BICD1: variants seen among roughly 807,000 people sequenced by gnomAD.
BICD1 encodes the protein BICD cargo adaptor 1.
A neutral mutation model predicts 92.5 loss-of-function variants in BICD1; 35 were observed. That is an observed-to-expected ratio of 0.38 (90% CI 0.29 to 0.50). The LOEUF (loss-of-function observed/expected upper bound fraction) is 0.50, where lower values mean the gene tolerates loss of function less well. Among genes scored for constraint, BICD1 ranks in the 20% least tolerant of loss-of-function variants. The pLI, the probability that BICD1 is intolerant of heterozygous loss-of-function variation, is 0.93. For synonymous variants in BICD1, 429 were observed against 465.1 expected (o/e 0.92, Z 1.00); for missense variants, 950 against 1,189.8 (o/e 0.80, Z 2.97).
chr12:32,138,103 ATATAAAGTTTAAAAATAGCTCGCTTGTG>A (rs1247240541), intron 1 of BICD1, among the ~76,000 whole-genome samples: 9 of 152,270 alleles, frequency 5.9e-5, no homozygotes, highest in African/African-American at 2.2e-4. Context: ...CTGGCCAAAT[ATATAAAGTTTAAAAATAGCTCGCTTGTG>A]TTCATTGCCT....
At chr12:32,309,871 C>T (rs973447936) in intron 4 of BICD1, among the ~76,000 whole-genome samples, 3 of 152,112 alleles carry the variant, frequency 2.0e-5, no homozygotes, top group Non-Finnish European at 4.4e-5. Context: ...TGTTGGTGTG[C>T]TGCACCCATT....
At chr12:32,152,581 G>A (rs1297178665) in intron 1 of BICD1, among the ~76,000 whole-genome samples, 2 of 152,100 alleles carry the variant, frequency 1.3e-5, no homozygotes, top group African/African-American at 4.8e-5. Flanking sequence ...AAATTGATTG[G>A]CCCACCAGGG....
chr12:32,171,988 C>CACATATAT (rs1555141634), intron 1 of BICD1, among the ~76,000 whole-genome samples: 1,553 of 132,516 alleles, frequency 0.012, 14 homozygotes, highest in East Asian at 0.019. Context: ...CACACACACA[C>CACATATAT]ACTAAAACTG....
intron 1 of BICD1, among the ~76,000 whole-genome samples, chr12:32,116,508 C>CTATA (rs772917101): frequency 0.012 from 1,106 of 93,728 alleles, 11 homozygotes; most frequent in Non-Finnish European, 0.017. Flanking sequence ...CTCTCTCTCT[C>CTATA]TCTATATATA....
intron 1 of BICD1, 45 bp downstream of exon 1, chr12:32,107,589 C>G (rs750061644): frequency 4.6e-6 from 7 of 1,531,540 alleles, no homozygotes; most frequent in East Asian, 2.4e-5. Context: ...TCACTCCCCC[C>G]ACCCGCAAGG....
At chr12:32,288,656 A>G (rs530372520) in intron 2 of BICD1, among the ~76,000 whole-genome samples, 155 of 152,252 alleles carry the variant, frequency 1.0e-3, no homozygotes, top group African/African-American at 3.6e-3. Context: ...ACTTGAGGTC[A>G]GAAGTTCAAG....
rs1592307997 is a variant in BICD1 at position 32,108,624 on chromosome 12, A to G, written c.213+1080A>G. ...TGGCATATAATATCAAAAATCTATT[A>G]TTTATTTTATGCTGTTACAGTTAAA... On this transcript the variant is annotated intron_variant, in intron 1 of 9. Transcript: ENST00000652176. 5 of 680,370 alleles carry G rather than the reference A, an allele frequency of 7.3e-6. No homozygotes were observed. The East Asian group carries it at 1.4e-4, about 18-fold the overall frequency. The allele number at this position is 680,370 out of a possible 1,614,324, so 42.1% of individuals were successfully genotyped here. A position where few individuals can be genotyped will look rare whatever the true frequency, so the allele number is the denominator to read the frequency against.
rs1310344773 is a variant in BICD1 at position 32,295,500 on chromosome 12, G to A, written c.579+1354G>A. ...TTGTCCTCTGTAAACTTAGAAGCCAGCCCAGATGTATGCTTTTACCTCACT... is the reference window on the plus strand; with the variant it reads ...TTGTCCTCTGTAAACTTAGAAGCCAACCCAGATGTATGCTTTTACCTCACT... On this transcript the variant is annotated intron_variant, in intron 3 of 9. Coordinates refer to ENST00000652176, the MANE Select transcript of BICD1 (RefSeq NM_001714.4). 2.6e-5 allele frequency among the ~76,000 whole-genome samples: 4 copies of A among 151,994 alleles called. 1 individual carries two copies. Among genetic ancestry groups the A allele is most frequent in the African/African-American group, 9.7e-5 (4 of 41,378 alleles).
intron 1 of BICD1, among the ~76,000 whole-genome samples, chr12:32,113,518 TG>T (rs1941775158): frequency 5.3e-5 from 8 of 151,376 alleles, no homozygotes; most frequent in Admixed American, 5.3e-4. Context: ...CCCAAGGAGC[TG>T]GGAATACAGA....
intron 1 of BICD1, among the ~76,000 whole-genome samples, chr12:32,147,150 G>A (rs1278548355): frequency 6.6e-6 from 1 of 151,970 alleles, no homozygotes; most frequent in Non-Finnish European, 1.5e-5. Flanking sequence ...ATGTTGCCCA[G>A]GCTAATCTTG....
intron 4 of BICD1, among the ~76,000 whole-genome samples, chr12:32,319,426 G>A (rs977375356): frequency 1.3e-5 from 2 of 152,102 alleles, no homozygotes; most frequent in African/African-American, 2.4e-5. Context: ...TCAACATTGT[G>A]TTTCTATGAT....
In BICD1 at chr12:32,179,061, A is replaced by T. The variant is rs145164687; in HGVS notation, c.214-37186A>T. Among the ~76,000 whole-genome samples the T allele has an allele frequency of 2.0e-3, 310 of 152,120 alleles. 1 individual carries two copies. The highest frequency in any genetic ancestry group is 7.1e-3 in the African/African-American group (295 of 41,544). On this transcript the variant is annotated intron_variant, in intron 1 of 9. Transcript: ENST00000652176. Reference sequence around the variant, plus strand: ...ATACGATAGGACAGGTTTTGGATATATGGAGTATTAACTGAAAAGAGCACT... The same window carrying T: ...ATACGATAGGACAGGTTTTGGATATTTGGAGTATTAACTGAAAAGAGCACT...
intron 2 of BICD1, among the ~76,000 whole-genome samples, chr12:32,248,058 G>A (rs960355867): frequency 6.6e-6 from 1 of 152,092 alleles, no homozygotes. Flanking sequence ...ACTCCAGCCT[G>A]AGTGACAGAG....
rs1183082919 is a variant in BICD1 at position 32,215,668 on chromosome 12, T to C, written c.214-579T>C. On this transcript the variant is annotated intron_variant, in intron 1 of 9. Transcript: ENST00000652176. The stretch of plus-strand genomic sequence containing the variant: ...AGTTGTCTAAAAAAATGAGAACATA[T>C]GCCAGGCGCGGTGGCTTATGCCTGT... Among the ~76,000 whole-genome samples, 4 of 151,910 alleles carry C rather than the reference T, an allele frequency of 2.6e-5. No homozygotes were observed. The South Asian group carries it at 8.3e-4, about 32-fold the overall frequency.
chr12:32,345,221 G>A (rs1189182950), intron 8 of BICD1, among the ~76,000 whole-genome samples: 5 of 150,640 alleles, frequency 3.3e-5, no homozygotes, highest in South Asian at 4.2e-4. Context: ...CTGGGAGGTC[G>A]AGGCTGCAGT....
At chr12:32,352,175 A>G (rs1323626996) in intron 8 of BICD1, among the ~76,000 whole-genome samples, 1 of 150,064 alleles carries the variant, frequency 6.7e-6, no homozygotes, top group Non-Finnish European at 1.5e-5. Flanking sequence ...TCTGCACTCT[A>G]GCCTGGGTGA....
intron 1 of BICD1, among the ~76,000 whole-genome samples, chr12:32,156,708 A>G (rs1314621843): frequency 1.3e-5 from 2 of 152,206 alleles, no homozygotes; most frequent in Non-Finnish European, 2.9e-5. Context: ...CCATGATGGC[A>G]TCCCTATGCT....
At chr12:32,376,134 A>T (rs1482106826) in intron 9 of BICD1, among the ~76,000 whole-genome samples, 2 of 144,540 alleles carry the variant, frequency 1.4e-5, no homozygotes. Context: ...GCCAAACTGG[A>T]GTACAGTGGC....
intron 2 of BICD1, among the ~76,000 whole-genome samples, chr12:32,247,099 A>G (rs1311808349): frequency 1.3e-5 from 2 of 151,970 alleles, no homozygotes; most frequent in African/African-American, 2.4e-5. Flanking sequence ...TCTACAAAAA[A>G]TACAAAAATT....
Sources: allele counts gnomAD v4.1 joint callset (sites outside exome capture counted in the v4.1 genomes callset), GRCh38; gene constraint gnomAD v4.1.1; transcripts MANE v1.5; gene names NCBI Gene and HGNC (gene_info 2026-07-23, HGNC 2026-07-21).